COL14A1: variants seen among roughly 807,000 people sequenced by gnomAD.
The protein encoded by COL14A1 is collagen type XIV alpha 1 chain.
Under a neutral mutation model 230.3 loss-of-function variants are expected in COL14A1, and 136 were observed. The observed-to-expected ratio is 0.59, with a 90% CI of 0.51 to 0.68. COL14A1 has a LOEUF of 0.68. Ranked by LOEUF, COL14A1 falls within the 30% of genes least tolerant of loss-of-function variation. The pLI is 0.00. For synonymous variants in COL14A1, 792 were observed against 784.1 expected, an observed-to-expected ratio of 1.01 and a Z score of -0.17; for missense variants, 1,976 against 2,215.8, an observed-to-expected ratio of 0.89 and a Z score of 2.17.
intron 2 of COL14A1, among the ~76,000 whole-genome samples, chr8:120,151,305 T>C (rs1454311779): frequency 4.6e-5 from 7 of 152,218 alleles, no homozygotes; most frequent in Middle Eastern, 3.4e-3. Context: ...TTCCTGTGGG[T>C]TGGCCAAATT....
At chr8:120,128,374 A>G (rs1406911128) in intron 1 of COL14A1, among the ~76,000 whole-genome samples, 1 of 152,160 alleles carries the variant, frequency 6.6e-6, no homozygotes, top group African/African-American at 2.4e-5. Flanking sequence ...TTCCTCCTTT[A>G]GCAATCACTG....
At position 120,297,552 on chromosome 8, in the gene COL14A1, G is replaced by A; in HGVS notation, c.4278G>A (p.Trp1426Ter). Residue 1426 changes from tryptophan (W) to a stop codon, truncating the protein, a stop_gained, in exon 35 of 48, where the codon TGG (tryptophan) becomes TGA (stop). Coordinates refer to ENST00000297848, the MANE Select transcript of COL14A1 (RefSeq NM_021110.4). LOFTEE classifies it high-confidence loss of function. ...TTGATATTGTTTGCTCCACATCATG[G>A]GCCAATACAGACAAATGCTGTGAAC... ...QMFDIVCSTSWANTDKCCELP... is the reference protein window; with the variant it reads ...QMFDIVCSTS 6.9e-7 allele frequency: 1 copy of A among 1,447,940 alleles called. No homozygotes were observed. Among genetic ancestry groups the A allele is most frequent in the Non-Finnish European group, 9.1e-7 (1 of 1,100,080 alleles). 89.7% of individuals were successfully genotyped at this position (1,447,940 alleles called of 1,614,324 possible). A position where few individuals can be genotyped will look rare whatever the true frequency, so the allele number is the denominator to read the frequency against.
intron 5 of COL14A1, among the ~76,000 whole-genome samples, chr8:120,180,846 T>TA (rs1816443174): frequency 6.6e-6 from 1 of 151,870 alleles, no homozygotes; most frequent in Admixed American, 6.6e-5. Flanking sequence ...TAGCTGGGAC[T>TA]ACAGGTGGGC....
At chr8:120,319,878 T>C (rs1332979477) in intron 40 of COL14A1, among the ~76,000 whole-genome samples, 1 of 152,220 alleles carries the variant, frequency 6.6e-6, no homozygotes, top group Non-Finnish European at 1.5e-5. Context: ...GCCAAATACA[T>C]TGAGGCATTC....
chr8:120,212,798 T>C (rs749352137), intron 13 of COL14A1, among the ~76,000 whole-genome samples: 1 of 152,176 alleles, frequency 6.6e-6, no homozygotes, highest in South Asian at 2.1e-4. Context: ...TCCAGATAAT[T>C]CCACCTATGT....
intron 36 of COL14A1, among the ~76,000 whole-genome samples, chr8:120,306,895 CA>C (rs199599336): frequency 0.014 from 2,153 of 152,124 alleles, 30 homozygotes; most frequent in South Asian, 0.042. Context: ...ATTTAAGATG[CA>C]AAAACAAAAT....
chr8:120,218,291 A>AAT (rs1263415286), intron 14 of COL14A1, among the ~76,000 whole-genome samples: 1 of 143,510 alleles, frequency 7.0e-6, no homozygotes, highest in Non-Finnish European at 1.5e-5. Flanking sequence ...ATAGATATAT[A>AAT]ATATATATAA....
intron 26 of COL14A1, among the ~76,000 whole-genome samples, chr8:120,271,685 A>T (rs1264386816): frequency 6.6e-6 from 1 of 151,602 alleles, no homozygotes; most frequent in Non-Finnish European, 1.5e-5. Flanking sequence ...AACTTCATAC[A>T]CCAAAACTTG....
intron 45 of COL14A1, among the ~76,000 whole-genome samples, chr8:120,353,558 AC>A (rs1563753443): frequency 1.3e-5 from 2 of 150,714 alleles, no homozygotes; most frequent in Non-Finnish European, 2.9e-5. Flanking sequence ...AAAACAAACC[AC>A]CCCATCAAAA....
chr8:120,315,127 T>G (rs1821171725), intron 38 of COL14A1, among the ~76,000 whole-genome samples: 1 of 152,152 alleles, frequency 6.6e-6, no homozygotes, highest in Non-Finnish European at 1.5e-5. Context: ...CCTAAAACTT[T>G]GGGAGGCCGA....
chr8:120,228,983 T>C (rs963392880), intron 18 of COL14A1, among the ~76,000 whole-genome samples: 1 of 152,038 alleles, frequency 6.6e-6, no homozygotes, highest in African/African-American at 2.4e-5. Context: ...ATCTCACTGA[T>C]ACATCACTCT....
In COL14A1 at chr8:120,231,352, A is replaced by G. The variant is rs1818261055; in HGVS notation, c.2198-115A>G. On this transcript the variant is annotated intron_variant, in intron 18 of 47. Transcript: ENST00000297848. ...AGCCCTTCTTGCCTCATATACAACT[A>G]TATTACAGGGATACATTAAATGATG... The G allele has an allele frequency of 4.5e-6, 5 of 1,116,174 alleles. 1 individual carries two copies. The South Asian group carries it at 6.3e-5, about 14-fold the overall frequency. The allele number at this position is 1,116,174 out of a possible 1,614,324, so 69.1% of individuals were successfully genotyped here. A position where few individuals can be genotyped will look rare whatever the true frequency, so the allele number is the denominator to read the frequency against.
chr8:120,308,946 T>A (rs1037679628), intron 36 of COL14A1, among the ~76,000 whole-genome samples: 2 of 152,114 alleles, frequency 1.3e-5, no homozygotes, highest in Admixed American at 1.3e-4. Context: ...CTAGCTAAAT[T>A]TTTTTTGTTT....
intron 9 of COL14A1, 114 bp downstream of exon 9, chr8:120,203,984 T>TC: frequency 1.9e-6 from 2 of 1,062,344 alleles, no homozygotes; most frequent in Non-Finnish European, 2.7e-6. Context: ...GACCCCTTAT[T>TC]CCCCTAAGAC....
At chr8:120,204,403 A>G (rs1171344672) in intron 9 of COL14A1, among the ~76,000 whole-genome samples, 1 of 152,204 alleles carries the variant, frequency 6.6e-6, no homozygotes, top group Non-Finnish European at 1.5e-5. Flanking sequence ...CAAAAATATT[A>G]CGTGAATGGA....
intron 36 of COL14A1, among the ~76,000 whole-genome samples, chr8:120,303,505 T>A (rs1820777650): frequency 6.6e-6 from 1 of 152,212 alleles, no homozygotes; most frequent in South Asian, 2.1e-4. Context: ...TTACGTGGTT[T>A]TTGTCTTTGG....
intron 1 of COL14A1, among the ~76,000 whole-genome samples, chr8:120,136,837 C>T (rs554310700): frequency 3.3e-5 from 5 of 151,660 alleles, no homozygotes; most frequent in South Asian, 2.1e-4. Flanking sequence ...TGGTGGCATG[C>T]GCCTGTAGTC....
At chr8:120,345,093 A>T (rs1380281592) in intron 44 of COL14A1, among the ~76,000 whole-genome samples, 1 of 152,132 alleles carries the variant, frequency 6.6e-6, no homozygotes, top group Non-Finnish European at 1.5e-5. Context: ...GTAAAGATGA[A>T]ATTTACAACT....
Position 120,316,144 on chromosome 8 carries a change from A to AT in COL14A1, c.4659+147_4659+148insT, listed in dbSNP as rs78746650. 0.45 allele frequency: 313,831 copies of AT among 704,586 alleles called. 72,676 individuals are homozygous for AT. Among genetic ancestry groups the AT allele is most frequent in the African/African-American group, 0.67 (37,561 of 56,020 alleles). 43.6% of individuals were successfully genotyped at this position (704,586 alleles called of 1,614,324 possible). A position where few individuals can be genotyped will look rare whatever the true frequency, so the allele number is the denominator to read the frequency against. On this transcript the variant is annotated intron_variant, in intron 40 of 47. Transcript: ENST00000297848. ...TTTATGTATTTTCCACCTATCCTGC[A>AT]CTATTTCCCTTCACTGACATCTTCT...
Sources: gnomAD v4.1 joint callset for allele counts (sites outside exome capture counted in the v4.1 genomes callset) on GRCh38, gnomAD v4.1.1 for gene constraint, MANE v1.5 for transcripts, NCBI Gene and HGNC (gene_info 2026-07-23, HGNC 2026-07-21) for gene names.